PTPRG: variants seen among roughly 807,000 people sequenced by gnomAD.
PTPRG encodes the protein protein tyrosine phosphatase receptor type G, also known as receptor-type tyrosine-protein phosphatase gamma.
PTPRG carries 102 observed loss-of-function variants against 165.3 expected under a neutral mutation model. The observed-to-expected ratio is 0.62, with a 90% CI of 0.53 to 0.73. PTPRG has a LOEUF of 0.73. Ranked by LOEUF, PTPRG falls within the 30% of genes least tolerant of loss-of-function variation. The pLI is 0.00. For synonymous variants in PTPRG, 675 were observed against 669.5 expected, an observed-to-expected ratio of 1.01 and a Z score of -0.13; for missense variants, 1,866 against 1,861.4, an observed-to-expected ratio of 1.00 and a Z score of -0.05.
At chr3:62,083,286 G>A (rs1342058476) in intron 5 of PTPRG, among the ~76,000 whole-genome samples, 1 of 151,006 alleles carries the variant, frequency 6.6e-6, no homozygotes, top group African/African-American at 2.4e-5. Context: ...TTTTTGTGGA[G>A]AACGGGGTCT....
intron 6 of PTPRG, among the ~76,000 whole-genome samples, chr3:62,149,204 G>T (rs560995333): frequency 4.0e-5 from 6 of 151,516 alleles, no homozygotes; most frequent in Non-Finnish European, 8.8e-5. Context: ...GCTATAGAGA[G>T]CAAGTATTTT....
intron 2 of PTPRG, among the ~76,000 whole-genome samples, chr3:61,927,921 G>C (rs79522280): frequency 1.3e-5 from 2 of 152,012 alleles, no homozygotes; most frequent in Non-Finnish European, 2.9e-5. Context: ...TGAGGTATAC[G>C]TGCGTTCAAA....
intron 6 of PTPRG, among the ~76,000 whole-genome samples, chr3:62,133,634 C>G (rs1703598041): frequency 6.6e-6 from 1 of 152,108 alleles, no homozygotes; most frequent in Non-Finnish European, 1.5e-5. Context: ...CAATAGTAAA[C>G]CTACTCAGTG....
chr3:62,267,672 T>C lies in PTPRG; in HGVS notation c.2740-13T>C, dbSNP rs1282989885. 1.2e-6 allele frequency: 2 copies of C among 1,608,204 alleles called. No individual in the cohort carries two copies. The highest frequency in any genetic ancestry group is 1.3e-5 in the African/African-American group (1 of 74,522). On this transcript the variant is annotated splice_polypyrimidine_tract_variant and intron_variant, in intron 18 of 29. Coordinates refer to ENST00000474889, the MANE Select transcript of PTPRG (RefSeq NM_002841.4). ...ACTGCTTTCATCTCACTTTGTGCTG[T>C]GTCATTTTGAAGGGTTACAACAAAG...
chr3:61,870,115 A>T lies in PTPRG; in HGVS notation c.191-119510A>T, dbSNP rs189759617. Among the ~76,000 whole-genome samples the T allele has an allele frequency of 2.0e-3, 298 of 151,660 alleles. 3 individuals carry two copies. Among genetic ancestry groups the T allele is most frequent in the African/African-American group, 6.4e-3 (264 of 40,970 alleles). ...GTTTCAAGATATGAATTGTGGGAGG[A>T]CACAAACATTTAGTCTATAGTGGTA... On this transcript the variant is annotated intron_variant, in intron 2 of 29. Transcript: ENST00000474889.
intron 1 of PTPRG, among the ~76,000 whole-genome samples, chr3:61,579,678 T>C (rs1700239489): frequency 6.6e-6 from 1 of 152,236 alleles, no homozygotes; most frequent in African/African-American, 2.4e-5. Flanking sequence ...TGTTCATACA[T>C]GGATACCATC....
intron 4 of PTPRG, among the ~76,000 whole-genome samples, chr3:62,054,259 G>T (rs971167448): frequency 6.6e-6 from 1 of 152,238 alleles, no homozygotes; most frequent in African/African-American, 2.4e-5. Flanking sequence ...TCTGCCTTCA[G>T]ACTCTCCTGG....
intron 5 of PTPRG, among the ~76,000 whole-genome samples, chr3:62,083,398 G>A (rs1040935823): frequency 2.6e-5 from 4 of 152,070 alleles, no homozygotes; most frequent in African/African-American, 9.7e-5. Flanking sequence ...ACCGTGCCCG[G>A]CTTTGCCATT....
rs943777327 is a variant in PTPRG, at chr3:62,222,700, A to T, written c.2288+3717A>T. ...AAAAAAGTGAGTAGAAGGTTCAGCT[A>T]AGTATTCTGTTACTTAAAAAATTAT... On this transcript the variant is annotated intron_variant, in intron 13 of 29. Transcript: ENST00000474889. This position sits in a 1 kb window ranked among gnomAD's most constrained non-coding sequence, Gnocchi z 4.5. Among the ~76,000 whole-genome samples, 1 of 152,180 alleles carries T rather than the reference A, an allele frequency of 6.6e-6. No homozygotes were observed. Among genetic ancestry groups the T allele is most frequent in the Admixed American group, 6.5e-5 (1 of 15,284 alleles).
intron 1 of PTPRG, among the ~76,000 whole-genome samples, chr3:61,581,609 CTTTTTT>C (rs138750100): frequency 1.5e-5 from 2 of 137,080 alleles, no homozygotes; most frequent in Admixed American, 7.2e-5. Context: ...TTCTTTTTTT[CTTTTTT>C]TTTTTTTTTT....
chr3:61,978,367 T>G (rs1312112204), intron 2 of PTPRG, among the ~76,000 whole-genome samples: 1 of 152,118 alleles, frequency 6.6e-6, no homozygotes, highest in African/African-American at 2.4e-5. Flanking sequence ...TTCCCTACTC[T>G]AATTCTTCCC....
At chr3:61,638,358 C>T (rs116793173) in intron 1 of PTPRG, among the ~76,000 whole-genome samples, 4,122 of 152,044 alleles carry the variant, frequency 0.027, 153 homozygotes, top group African/African-American at 0.092. Flanking sequence ...GTGTAGACCC[C>T]TTTTCAAAGG....
At chr3:61,649,083 A>T (rs1393270218) in intron 1 of PTPRG, among the ~76,000 whole-genome samples, 1 of 152,154 alleles carries the variant, frequency 6.6e-6, no homozygotes, top group African/African-American at 2.4e-5. Context: ...TTGTTACACG[A>T]GTATGCCGGA....
chr3:61,962,709 CAT>C (rs2040182113), intron 2 of PTPRG, among the ~76,000 whole-genome samples: 5 of 151,936 alleles, frequency 3.3e-5, no homozygotes, highest in African/African-American at 1.2e-4. Context: ...ACACATGAAT[CAT>C]ACTTATAGTA....
At chr3:61,643,489 G>T (rs1054240456) in intron 1 of PTPRG, among the ~76,000 whole-genome samples, 1 of 152,114 alleles carries the variant, frequency 6.6e-6, no homozygotes, top group Non-Finnish European at 1.5e-5. Context: ...TATTTTAAAA[G>T]CACCTATTGG....
chr3:61,681,383 A>G (rs928678616), intron 1 of PTPRG, among the ~76,000 whole-genome samples: 1 of 152,216 alleles, frequency 6.6e-6, no homozygotes, highest in Non-Finnish European at 1.5e-5. Flanking sequence ...TGACCCTGCA[A>G]TCTGCATTTT....
At chr3:62,218,620 A>G (rs1700570578) in intron 12 of PTPRG, among the ~76,000 whole-genome samples, 1 of 152,114 alleles carries the variant, frequency 6.6e-6, no homozygotes, top group African/African-American at 2.4e-5. Flanking sequence ...GTATCTGTAA[A>G]TCCATATAAC....
chr3:61,582,840 G>A (rs569242299), intron 1 of PTPRG, among the ~76,000 whole-genome samples: 1 of 152,264 alleles, frequency 6.6e-6, no homozygotes, highest in East Asian at 1.9e-4. Flanking sequence ...GGGTTTTGGG[G>A]GTTCAAAAAA....
In PTPRG at chr3:61,966,244, C is replaced by T. The variant is rs116652845; in HGVS notation, c.191-23381C>T. Among the ~76,000 whole-genome samples the T allele has an allele frequency of 1.8e-3, 276 of 152,248 alleles. 1 individual carries two copies. The highest frequency in any genetic ancestry group is 6.1e-3 in the African/African-American group (254 of 41,538). On this transcript the variant is annotated intron_variant, in intron 2 of 29. Transcript: ENST00000474889. ...TTTTTGATGCTGTGGAATGTGTCAG[C>T]GCCAGTGGAGTATTATAAGTTAATT...
Sources: gnomAD v4.1 joint callset for allele counts (sites outside exome capture counted in the v4.1 genomes callset) on GRCh38, gnomAD v4.1.1 for gene constraint, Gnocchi (gnomAD v3.1) non-coding constraint, MANE v1.5 for transcripts, NCBI Gene and HGNC (gene_info 2026-07-23, HGNC 2026-07-21) for gene names.